CRHR2: variants seen among roughly 807,000 people sequenced by gnomAD.
The protein encoded by CRHR2 is corticotropin releasing hormone receptor 2, also known as corticotropin-releasing hormone receptor 2.
CRHR2 carries 53 observed loss-of-function variants against 57.9 expected under a neutral mutation model. The observed-to-expected ratio is 0.92, with a 90% CI of 0.73 to 1.15. The LOEUF (loss-of-function observed/expected upper bound fraction) is 1.15, where lower values mean the gene tolerates loss of function less well. CRHR2 is among the 50% of genes most tolerant of loss of function. The pLI, the probability that CRHR2 is intolerant of heterozygous loss-of-function variation, is 0.00. For synonymous variants in CRHR2, 213 were observed against 220.9 expected, an observed-to-expected ratio of 0.96 and a Z score of 0.32; for missense variants, 532 against 542.6, an observed-to-expected ratio of 0.98 and a Z score of 0.19.
At chr7:30,697,726 CACAT>C (rs1785085413) in intron 1 of CRHR2, among the ~76,000 whole-genome samples, 2 of 152,208 alleles carry the variant, frequency 1.3e-5, no homozygotes, top group African/African-American at 4.8e-5. Flanking sequence ...TGCAGTCTCC[CACAT>C]AATGTCTTTT....
chr7:30,654,973 A>G, intron 11 of CRHR2, 66 bp downstream of exon 11: 1 of 1,585,014 alleles, frequency 6.3e-7, no homozygotes, highest in Non-Finnish European at 8.6e-7. Context: ...GCACCAATGG[A>G]GCTGCCCTGG....
intron 2 of CRHR2, among the ~76,000 whole-genome samples, chr7:30,673,681 G>A (rs898640743): frequency 1.3e-5 from 2 of 152,188 alleles, no homozygotes; most frequent in Admixed American, 1.3e-4. Context: ...TAACAGCATG[G>A]TTTTCCTGAG....
At chr7:30,672,817 G>A (rs1169283156) in intron 2 of CRHR2, among the ~76,000 whole-genome samples, 1 of 152,220 alleles carries the variant, frequency 6.6e-6, no homozygotes, top group Admixed American at 6.5e-5. Context: ...ATCTCCTTGG[G>A]AATTAGGAAG....
In CRHR2 at chr7:30,653,213, C is replaced by A. The variant is rs1426547582; in HGVS notation, c.*247G>T. On this transcript the variant is annotated 3_prime_UTR_variant, in exon 12 of 12. Coordinates refer to ENST00000471646, the MANE Select transcript of CRHR2 (RefSeq NM_001883.5). The surrounding 1 kb of genome is among the most constrained non-coding windows in gnomAD (Gnocchi z 5.0). ...GGGATGGGCAAATGCCTGCAGACAT[C>A]TGACTGGCTCTTCTCAGGGGGTCCT... The A allele has an allele frequency of 2.2e-5, 11 of 501,540 alleles. No individual in the cohort carries two copies. Among genetic ancestry groups the A allele is most frequent in the Non-Finnish European group, 3.9e-5 (11 of 284,778 alleles). 31.1% of individuals were successfully genotyped at this position (501,540 alleles called of 1,614,324 possible). A position where few individuals can be genotyped will look rare whatever the true frequency, so the allele number is the denominator to read the frequency against.
chr7:30,689,138 G>A (rs1584139437), intron 2 of CRHR2: 8 of 1,485,238 alleles, frequency 5.4e-6, no homozygotes, highest in Non-Finnish European at 6.4e-6. Context: ...CCTCCCGCAG[G>A]GCCCACCCAC....
At chr7:30,678,894 T>C (rs909694799) in intron 2 of CRHR2, among the ~76,000 whole-genome samples, 1 of 152,162 alleles carries the variant, frequency 6.6e-6, no homozygotes, top group African/African-American at 2.4e-5. Context: ...TTACTTCTCC[T>C]TTCCCTCCAG....
At chr7:30,664,518 C>T (rs1452068240) in intron 5 of CRHR2, among the ~76,000 whole-genome samples, 1 of 152,144 alleles carries the variant, frequency 6.6e-6, no homozygotes, top group Non-Finnish European at 1.5e-5. Context: ...TTCCTTTTCT[C>T]AAAGGGGTCT....
rs371644453 is a variant in CRHR2, at chr7:30,655,093, G to A, written c.1054-13C>T. 6.2e-7 allele frequency: 1 copy of A among 1,612,798 alleles called. No individual in the cohort carries two copies. Among genetic ancestry groups the A allele is most frequent in the African/African-American group, 1.3e-5 (1 of 74,978 alleles). ...ACACGAAGAAACCCTGGAAAGGAGGGAAAGGAGGGAGTGGTCAGTGACCTA... is the reference window on the plus strand; with the variant it reads ...ACACGAAGAAACCCTGGAAAGGAGGAAAAGGAGGGAGTGGTCAGTGACCTA... On this transcript the variant is annotated splice_polypyrimidine_tract_variant and intron_variant, in intron 10 of 11. Transcript: ENST00000471646.
intron 2 of CRHR2, among the ~76,000 whole-genome samples, chr7:30,671,260 C>T (rs1363587890): frequency 6.6e-6 from 1 of 152,192 alleles, no homozygotes; most frequent in Non-Finnish European, 1.5e-5. Flanking sequence ...TGCCAGTTAG[C>T]ACCCTCAAGC....
At chr7:30,666,249 T>G (rs951659074) in intron 3 of CRHR2, among the ~76,000 whole-genome samples, 1 of 152,004 alleles carries the variant, frequency 6.6e-6, no homozygotes. Context: ...ATGGGAGGCC[T>G]GGGGTGGGGT....
Position 30,682,324 on chromosome 7 carries a change from C to T in CRHR2, c.-44G>A. Reference sequence around the variant, plus strand: ...GCGGAGAGGGAGTGGGAGTGCGCGCCCGGCGTGACTGCGAGGGAGTGGACG... The same window carrying T: ...GCGGAGAGGGAGTGGGAGTGCGCGCTCGGCGTGACTGCGAGGGAGTGGACG... On this transcript the variant is annotated 5_prime_UTR_variant, in exon 1 of 12. Transcript: ENST00000471646. 2.0e-6 allele frequency: 3 copies of T among 1,503,394 alleles called. No homozygotes were observed. The East Asian group carries it at 8.1e-5, about 41-fold the overall frequency. 93.1% of individuals were successfully genotyped at this position (1,503,394 alleles called of 1,614,324 possible).
chr7:30,654,707 T>G (rs574360909), intron 11 of CRHR2: 1 of 1,536,170 alleles, frequency 6.5e-7, no homozygotes, highest in Non-Finnish European at 8.7e-7. Context: ...CCTGATTGCT[T>G]GGCACACATC....
At chr7:30,688,786 G>A (rs1296652583) in intron 2 of CRHR2, 1 of 457,812 alleles carries the variant, frequency 2.2e-6, no homozygotes. Context: ...AGAACTCAGG[G>A]CCGGGCTGCT....
chr7:30,689,516 T>G (rs1050062090), intron 1 of CRHR2, among the ~76,000 whole-genome samples: 5 of 151,780 alleles, frequency 3.3e-5, no homozygotes, highest in Admixed American at 2.0e-4. Context: ...GGCAGGGGTC[T>G]GCTCTGTCCA....
At chr7:30,658,071 C>G (rs896539588) in intron 8 of CRHR2, among the ~76,000 whole-genome samples, 2 of 152,204 alleles carry the variant, frequency 1.3e-5, no homozygotes, top group Non-Finnish European at 1.5e-5. Flanking sequence ...CTCATCTCAG[C>G]TTGGGTCTAT....
At chr7:30,689,296 C>T (rs749382805) in intron 1 of CRHR2, 1 of 1,548,670 alleles carries the variant, frequency 6.5e-7, no homozygotes, top group Non-Finnish European at 8.7e-7. Context: ...TAGGGGACAG[C>T]AAGGATGAGG....
Position 30,665,212 on chromosome 7 carries a change from C to G in CRHR2, c.426-25G>C, listed in dbSNP as rs777437048. 2 of 1,596,616 alleles carry G rather than the reference C, an allele frequency of 1.3e-6. No homozygotes were observed. The highest frequency in any genetic ancestry group is 8.6e-7 in the Non-Finnish European group (1 of 1,164,286). On this transcript the variant is annotated intron_variant, in intron 4 of 11. Transcript: ENST00000471646. This position sits in a 1 kb window ranked among gnomAD's most constrained non-coding sequence, Gnocchi z 4.5. ...CCTGTGGGAGGTGCAGGTCAGGGGT[C>G]AGCCAGGTTCAGGGGTCAACTGGGA...
intron 8 of CRHR2, among the ~76,000 whole-genome samples, chr7:30,660,270 C>A (rs1335811855): frequency 6.6e-6 from 1 of 152,240 alleles, no homozygotes; most frequent in Non-Finnish European, 1.5e-5. Flanking sequence ...CTGGCTTTCT[C>A]AGCATTGTAC....
chr7:30,679,689 G>A (rs1297029059), intron 2 of CRHR2, among the ~76,000 whole-genome samples: 3 of 152,176 alleles, frequency 2.0e-5, no homozygotes, highest in Non-Finnish European at 4.4e-5. Flanking sequence ...GCAGGAAGTG[G>A]AGCCTGAACG....
Sources: allele counts gnomAD v4.1 joint callset (sites outside exome capture counted in the v4.1 genomes callset), GRCh38; gene constraint gnomAD v4.1.1; non-coding constraint Gnocchi (gnomAD v3.1); transcripts MANE v1.5; gene names NCBI Gene and HGNC (gene_info 2026-07-23, HGNC 2026-07-21).